The following LPIN1 variants were observed in gnomAD, a reference collection of about 807,000 sequenced individuals.
LPIN1 encodes the protein lipin 1, also known as phosphatidate phosphatase LPIN1.
A neutral mutation model predicts 107.5 loss-of-function variants in LPIN1; 71 were observed. The observed-to-expected ratio is 0.66, with a 90% confidence interval of 0.55 to 0.80. The LOEUF (loss-of-function observed/expected upper bound fraction) is 0.80, where lower values mean the gene tolerates loss of function less well. LPIN1 is among the 30% of genes least tolerant of loss of function. LPIN1 has a pLI of 0.00. For missense variants in LPIN1, 1,043 were observed against 1,160.6 expected (o/e 0.90, Z 1.47); for synonymous variants, 445 against 452.6 (o/e 0.98, Z 0.21).
At chr2:11,753,692 C>T (rs139784508) in intron 1 of LPIN1, among the ~76,000 whole-genome samples, 3 of 152,206 alleles carry the variant, frequency 2.0e-5, no homozygotes, top group African/African-American at 4.8e-5. Context: ...CCTTATCAAC[C>T]GCCGTTAAGT....
intron 1 of LPIN1, among the ~76,000 whole-genome samples, chr2:11,734,703 T>G (rs1202100327): frequency 6.6e-6 from 1 of 152,162 alleles, no homozygotes; most frequent in African/African-American, 2.4e-5. Context: ...TCCAGATCTC[T>G]TAGGAAACAC....
In LPIN1 at chr2:11,784,235, C is replaced by T. The variant is rs3762582; in HGVS notation, c.1358+313C>T. The T allele has an allele frequency of 3.8e-5, 35 of 928,032 alleles. 1 individual carries two copies. In the East Asian group the frequency reaches 1.8e-3, roughly 47 times the overall value. 57.5% of individuals were successfully genotyped at this position (928,032 alleles called of 1,614,324 possible). Reference sequence around the variant, plus strand: ...AGGAGAATTGCTTGAATCCAGGAGGCGGAGGTTGCATTGAGCTGAGATCAT... The same window carrying T: ...AGGAGAATTGCTTGAATCCAGGAGGTGGAGGTTGCATTGAGCTGAGATCAT... On this transcript the variant is annotated intron_variant, in intron 9 of 20. Transcript: ENST00000674199.
In LPIN1 at chr2:11,681,448, G is replaced by C. The variant is rs1051001616; in HGVS notation, c.81+3720G>C. The C allele has an allele frequency of 5.1e-5, 8 of 155,944 alleles. No individual in the cohort carries two copies. The South Asian group carries it at 1.4e-3, about 28-fold the overall frequency. The allele number at this position is 155,944 out of a possible 1,614,324, so 9.7% of individuals were successfully genotyped here. A position where few individuals can be genotyped will look rare whatever the true frequency, so the allele number is the denominator to read the frequency against. Reference sequence around the variant, plus strand: ...TTGTCTTCCTCTTCCTCCTGCTCCGGCCATATAGGACGTGCTGGCTTCCCC... The same window carrying C: ...TTGTCTTCCTCTTCCTCCTGCTCCGCCCATATAGGACGTGCTGGCTTCCCC... On this transcript the variant is annotated intron_variant, in intron 1 of 21. Transcript: ENST00000449576.
At chr2:11,802,803 C>A in intron 14 of LPIN1, 104 bp from the exon 15 acceptor site, 1 of 1,366,288 alleles carries the variant, frequency 7.3e-7, no homozygotes, top group Non-Finnish European at 1.0e-6. Context: ...AGACGGGACT[C>A]AGGAGAGACT....
chr2:11,806,550 G>C (rs956808160), intron 17 of LPIN1, among the ~76,000 whole-genome samples: 2 of 152,060 alleles, frequency 1.3e-5, no homozygotes, highest in African/African-American at 4.8e-5. Context: ...GGGCAACATA[G>C]TGAGATTCCC....
chr2:11,818,704 G>A (rs980768481), intron 18 of LPIN1: 10 of 151,792 alleles, frequency 6.6e-5, no homozygotes, highest in African/African-American at 2.2e-4. Context: ...AGGCAATACA[G>A]CAGTGAATTG....
rs937758147 is a variant in LPIN1 at position 11,697,082 on chromosome 2, C to T, written c.82-16674C>T. 6.6e-6 allele frequency among the ~76,000 whole-genome samples: 1 copy of T among 152,272 alleles called. No homozygotes were observed. Among genetic ancestry groups the T allele is most frequent in the African/African-American group, 2.4e-5 (1 of 41,462 alleles). On this transcript the variant is annotated intron_variant, in intron 1 of 21. Coordinates refer to the LPIN1 transcript ENST00000449576. The surrounding 1 kb of genome is among the most constrained non-coding windows in gnomAD (Gnocchi z 4.6). ...AGGCTCTTTGTTCCTCAGCCCCAAG[C>T]TGTATCTGGTGAGAACAGATGCGTA... is the stretch of plus-strand genomic sequence containing the variant.
intron 1 of LPIN1, among the ~76,000 whole-genome samples, chr2:11,730,861 C>T (rs976509331): frequency 1.2e-4 from 18 of 152,186 alleles, no homozygotes; most frequent in African/African-American, 3.9e-4. Context: ...CTCTGCACTA[C>T]ACCTTGGAGA....
chr2:11,801,456 G>A (rs891645740), intron 14 of LPIN1, among the ~76,000 whole-genome samples: 1 of 152,332 alleles, frequency 6.6e-6, no homozygotes. Context: ...TTGTGGCAAC[G>A]TGGGTGGAAT....
At chr2:11,751,589 A>T (rs1667796653) in intron 1 of LPIN1, among the ~76,000 whole-genome samples, 1 of 152,352 alleles carries the variant, frequency 6.6e-6, no homozygotes, top group African/African-American at 2.4e-5. Flanking sequence ...GCGGTGGCTC[A>T]CGCCTGTAAT....
chr2:11,814,283 G>A (rs755487989), intron 17 of LPIN1, among the ~76,000 whole-genome samples: 2 of 152,172 alleles, frequency 1.3e-5, no homozygotes, highest in Non-Finnish European at 2.9e-5. Flanking sequence ...TACAAGAATT[G>A]AGAGTTGATA....
intron 1 of LPIN1, among the ~76,000 whole-genome samples, chr2:11,709,342 C>G (rs1210629798): frequency 6.6e-6 from 1 of 152,222 alleles, no homozygotes; most frequent in African/African-American, 2.4e-5. Flanking sequence ...CTGAGTGTAA[C>G]TCGAGCCTCC....
intron 1 of LPIN1, among the ~76,000 whole-genome samples, chr2:11,679,568 G>A (rs12611821): frequency 0.08 from 12,114 of 152,184 alleles, 632 homozygotes; most frequent in East Asian, 0.18. Flanking sequence ...AACCCGCCAC[G>A]TGTCCCCTTG....
At chr2:11,804,057 A>C (rs1008082230) in intron 15 of LPIN1, among the ~76,000 whole-genome samples, 11 of 152,324 alleles carry the variant, frequency 7.2e-5, no homozygotes, top group African/African-American at 2.6e-4. Context: ...CTAGAGTGGT[A>C]AGTGTATCCT....
At chr2:11,733,792 A>C (rs1665514922) in intron 1 of LPIN1, among the ~76,000 whole-genome samples, 1 of 152,156 alleles carries the variant, frequency 6.6e-6, no homozygotes, top group African/African-American at 2.4e-5. Context: ...GCACCCAGCT[A>C]CTGTGCTTTC....
rs10495584 is a variant in LPIN1, at chr2:11,819,857, A to G, written c.2517+259A>G. Among the ~76,000 whole-genome samples, 8,378 of 152,276 alleles carry G rather than the reference A, an allele frequency of 0.055. 457 individuals are homozygous for G. The highest frequency in any genetic ancestry group is 0.14 in the East Asian group (740 of 5,186). The stretch of plus-strand genomic sequence containing the variant: ...TAAAACTCCAAATTTCAAATTACTC[A>G]TTAAAGCAGTAAAGCAAGAACATTT... On this transcript the variant is annotated intron_variant, in intron 19 of 20. Coordinates refer to ENST00000674199, the MANE Select transcript of LPIN1 (RefSeq NM_001349206.2).
In LPIN1 at chr2:11,774,879, G is replaced by A. The variant is rs1008426292; in HGVS notation, c.722+1134G>A. Among the ~76,000 whole-genome samples, 1 of 151,356 alleles carries A rather than the reference G, an allele frequency of 6.6e-6. No individual in the cohort carries two copies. The highest frequency in any genetic ancestry group is 2.4e-5 in the African/African-American group (1 of 41,094). On this transcript the variant is annotated intron_variant, in intron 5 of 20. Coordinates refer to ENST00000674199, the MANE Select transcript of LPIN1 (RefSeq NM_001349206.2). This position sits in a 1 kb window ranked among gnomAD's most constrained non-coding sequence, Gnocchi z 4.4. Reference sequence around the variant, plus strand: ...AGTCCCTGCATGGAGGTCTTCCTGCGTCAGAGCCTAGCCCTGTTCAATAGA... The same window carrying A: ...AGTCCCTGCATGGAGGTCTTCCTGCATCAGAGCCTAGCCCTGTTCAATAGA...
chr2:11,805,060 C>A lies in LPIN1; in HGVS notation c.2163-10C>A. ...TTTTACTTTATTTTTCTCTTTTCCTCTTCATTTAGATCAGATACTCTTGGC... is the reference window on the plus strand; with the variant it reads ...TTTTACTTTATTTTTCTCTTTTCCTATTCATTTAGATCAGATACTCTTGGC... On this transcript the variant is annotated splice_polypyrimidine_tract_variant and intron_variant, in intron 16 of 20. Transcript: ENST00000674199. 1 of 1,565,998 alleles carries A rather than the reference C, an allele frequency of 6.4e-7. No individual in the cohort carries two copies. The highest frequency in any genetic ancestry group is 1.1e-5 in the South Asian group (1 of 89,996).
chr2:11,718,785 G>C (rs1160332462), intron 2 of LPIN1, among the ~76,000 whole-genome samples: 1 of 152,206 alleles, frequency 6.6e-6, no homozygotes, highest in Non-Finnish European at 1.5e-5. Flanking sequence ...TGTGCCTTGA[G>C]GTAGCCGTTT....
Sources: allele counts gnomAD v4.1 joint callset (sites outside exome capture counted in the v4.1 genomes callset), GRCh38; gene constraint gnomAD v4.1.1; non-coding constraint Gnocchi (gnomAD v3.1); transcripts MANE v1.5; gene names NCBI Gene and HGNC (gene_info 2026-07-23, HGNC 2026-07-21).